The following SLC25A21 variants were observed in gnomAD, a reference collection of about 807,000 sequenced individuals.
SLC25A21 encodes the protein mitochondrial 2-oxodicarboxylate carrier.
SLC25A21 carries 47 observed loss-of-function variants against 43.8 expected under a neutral mutation model. That is an observed-to-expected ratio of 1.07 (90% CI 0.85 to 1.37). SLC25A21 has a LOEUF of 1.37. Among genes scored for constraint, SLC25A21 ranks in the 40% most tolerant of loss-of-function variants. SLC25A21 has a pLI of 0.00. For synonymous variants in SLC25A21, 131 were observed against 121.3 expected (o/e 1.08, Z -0.52); for missense variants, 352 against 350.2 (o/e 1.00, Z -0.04).
intron 1 of SLC25A21, among the ~76,000 whole-genome samples, chr14:36,913,356 A>C (rs1891741892): frequency 6.6e-6 from 1 of 152,160 alleles, no homozygotes; most frequent in Admixed American, 6.5e-5. Flanking sequence ...GTGAATGATC[A>C]TGGGTCACTG....
Position 37,172,266 on chromosome 14 carries a change from GC to G in SLC25A21, c.70+14del. The G allele has an allele frequency of 6.3e-7, 1 of 1,582,460 alleles. No individual in the cohort carries two copies. Among genetic ancestry groups the G allele is most frequent in the Admixed American group, 1.8e-5 (1 of 55,972 alleles). On this transcript the variant is annotated intron_variant, in intron 1 of 9. Transcript: ENST00000331299. ...AGCGACTAGCCTCCGGCGGGGCAGG[GC>G]GGGCTGTCCTTACCTGCAGAACCAC...
At chr14:36,970,483 T>C (rs1225651745) in intron 1 of SLC25A21, among the ~76,000 whole-genome samples, 1 of 152,220 alleles carries the variant, frequency 6.6e-6, no homozygotes, top group Non-Finnish European at 1.5e-5. Flanking sequence ...TAATTACTAG[T>C]ATAATAAATC....
chr14:37,130,376 T>C (rs933631798), intron 1 of SLC25A21, among the ~76,000 whole-genome samples: 9 of 152,208 alleles, frequency 5.9e-5, no homozygotes, highest in African/African-American at 1.9e-4. Context: ...AACTAAGTCT[T>C]GCTATTAAAG....
At chr14:36,856,573 A>G (rs1214653658) in intron 2 of SLC25A21, among the ~76,000 whole-genome samples, 1 of 152,156 alleles carries the variant, frequency 6.6e-6, no homozygotes, top group East Asian at 1.9e-4. Flanking sequence ...AGACTGCGAG[A>G]GGCCAGTGGA....
At chr14:36,695,910 G>C (rs906905934) in intron 7 of SLC25A21, among the ~76,000 whole-genome samples, 1 of 152,072 alleles carries the variant, frequency 6.6e-6, no homozygotes, top group Non-Finnish European at 1.5e-5. Flanking sequence ...TCTTTCTCTT[G>C]CCTGACTGCC....
At chr14:37,077,748 A>G (rs1008270455) in intron 1 of SLC25A21, among the ~76,000 whole-genome samples, 3 of 152,156 alleles carry the variant, frequency 2.0e-5, no homozygotes, top group Non-Finnish European at 4.4e-5. Flanking sequence ...CGAAATTCAC[A>G]TGAGAATATT....
intron 1 of SLC25A21, among the ~76,000 whole-genome samples, chr14:37,059,249 A>G (rs1306148742): frequency 1.3e-5 from 2 of 152,192 alleles, no homozygotes; most frequent in African/African-American, 2.4e-5. Context: ...CATCCTATGA[A>G]GCACTTACTA....
chr14:37,118,311 C>T (rs963335517), intron 1 of SLC25A21, among the ~76,000 whole-genome samples: 2 of 152,092 alleles, frequency 1.3e-5, no homozygotes, highest in African/African-American at 4.8e-5. Flanking sequence ...TAGAAGCAGA[C>T]TCAGCAAACA....
intron 1 of SLC25A21, among the ~76,000 whole-genome samples, chr14:37,042,796 C>T (rs1476718083): frequency 6.6e-6 from 1 of 152,190 alleles, no homozygotes; most frequent in Non-Finnish European, 1.5e-5. Context: ...ACCAAGCTAT[C>T]ATTCTCTTAC....
intron 3 of SLC25A21, among the ~76,000 whole-genome samples, chr14:36,766,178 G>T (rs559876136): frequency 6.6e-6 from 1 of 151,970 alleles, no homozygotes; most frequent in Non-Finnish European, 1.5e-5. Flanking sequence ...TCTTATTGTG[G>T]TTGCAACCCA....
At chr14:36,798,402 A>T (rs1422892735) in intron 3 of SLC25A21, among the ~76,000 whole-genome samples, 2 of 152,106 alleles carry the variant, frequency 1.3e-5, no homozygotes, top group South Asian at 2.1e-4. Flanking sequence ...ATGCAAATGT[A>T]TTTTCCAACT....
intron 1 of SLC25A21, among the ~76,000 whole-genome samples, chr14:37,030,812 T>C (rs1010922144): frequency 1.2e-4 from 18 of 152,304 alleles, no homozygotes; most frequent in African/African-American, 4.1e-4. Context: ...AGGTTGAATA[T>C]AGGTTACAGT....
intron 1 of SLC25A21, among the ~76,000 whole-genome samples, chr14:37,142,948 T>C (rs1011049553): frequency 2.6e-5 from 4 of 152,172 alleles, no homozygotes; most frequent in African/African-American, 9.7e-5. Context: ...AGCATCTAAG[T>C]CTGTCTGCAA....
rs187242722 is a variant in SLC25A21 at position 37,003,001 on chromosome 14, A to G, written c.71-127997T>C. 9.8e-5 allele frequency among the ~76,000 whole-genome samples: 15 copies of G among 152,344 alleles called. No homozygotes were observed. In the South Asian group the frequency reaches 2.9e-3, roughly 29 times the overall value. On this transcript the variant is annotated intron_variant, in intron 1 of 9. Transcript: ENST00000331299. ...AACAGAAACAGTCATGTGTTCACCA[A>G]AAGACATTTCTAAGAATACAGTAGT...
At chr14:36,843,237 A>T (rs994684450) in intron 2 of SLC25A21, among the ~76,000 whole-genome samples, 8 of 152,174 alleles carry the variant, frequency 5.3e-5, no homozygotes, top group African/African-American at 1.9e-4. Flanking sequence ...AGTCTTCTCC[A>T]TCGTGCCAGA....
chr14:36,932,774 G>A (rs977582471), intron 1 of SLC25A21, among the ~76,000 whole-genome samples: 1 of 151,590 alleles, frequency 6.6e-6, no homozygotes, highest in Non-Finnish European at 1.5e-5. Flanking sequence ...AAAGTCCCCC[G>A]AGAAGGGAAG....
At chr14:37,030,987 T>C (rs1447907602) in intron 1 of SLC25A21, among the ~76,000 whole-genome samples, 3 of 152,342 alleles carry the variant, frequency 2.0e-5, no homozygotes, top group African/African-American at 7.2e-5. Flanking sequence ...TTTCCAAAGA[T>C]TGGCATTTCA....
chr14:37,134,676 G>A (rs1210275594), intron 1 of SLC25A21, among the ~76,000 whole-genome samples: 2 of 149,650 alleles, frequency 1.3e-5, no homozygotes, highest in Admixed American at 6.7e-5. Context: ...AAGAAAGAAA[G>A]AAAAGAAAAG....
chr14:36,894,957 G>A (rs1415948273), intron 1 of SLC25A21, among the ~76,000 whole-genome samples: 1 of 152,124 alleles, frequency 6.6e-6, no homozygotes, highest in Non-Finnish European at 1.5e-5. Context: ...TTTTATTGAG[G>A]ATTTTTGCAT....
Sources: gnomAD v4.1 joint callset for allele counts (sites outside exome capture counted in the v4.1 genomes callset) on GRCh38, gnomAD v4.1.1 for gene constraint, MANE v1.5 for transcripts, NCBI Gene and HGNC (gene_info 2026-07-23, HGNC 2026-07-21) for gene names.